TMEM237: variants seen among roughly 807,000 people sequenced by gnomAD.
TMEM237 encodes the protein transmembrane protein 237.
In TMEM237, 51 loss-of-function variants were observed where a neutral mutation model predicts 59.1. The ratio of observed to expected loss-of-function variants is 0.86; its 90% CI spans 0.69 to 1.09. TMEM237 has a LOEUF of 1.09. Among genes scored for constraint, TMEM237 ranks in the 50% least tolerant of loss-of-function variants. The pLI, the probability that TMEM237 is intolerant of heterozygous loss-of-function variation, is 0.00. For missense variants in TMEM237, 475 were observed against 478.3 expected (o/e 0.99, Z 0.06); for synonymous variants, 140 against 166.1 (o/e 0.84, Z 1.21).
At position 201,620,213 on chromosome 2, in the gene TMEM237, A is replaced by G. The variant is rs1486634143; in HGVS notation, c.*4042T>C. The G allele has an allele frequency of 1.3e-5, 2 of 152,240 alleles. No homozygotes were observed. Among genetic ancestry groups the G allele is most frequent in the African/African-American group, 2.4e-5 (1 of 41,458 alleles). The allele number at this position is 152,240 out of a possible 1,614,324, so 9.4% of individuals were successfully genotyped here. Reference sequence around the variant, plus strand: ...GAATTCCAGAACTTCTTTATTGTACATAAAAATCTGAATTTCTTAATATGG... The same window carrying G: ...GAATTCCAGAACTTCTTTATTGTACGTAAAAATCTGAATTTCTTAATATGG... On this transcript the variant is annotated 3_prime_UTR_variant, in exon 13 of 13. Coordinates refer to ENST00000409883, the MANE Select transcript of TMEM237 (RefSeq NM_001044385.3).
intron 9 of TMEM237, 151 bp downstream of exon 9, chr2:201,629,079 A>C: frequency 1.9e-6 from 1 of 519,900 alleles, no homozygotes; most frequent in East Asian, 3.4e-5. Context: ...TCATCCCCTC[A>C]AAAAAGAACA....
chr2:201,632,020 G>A, intron 7 of TMEM237, 31 bp downstream of exon 7: 1 of 1,610,388 alleles, frequency 6.2e-7, no homozygotes, highest in East Asian at 2.2e-5. Flanking sequence ...TTTTTAAAGA[G>A]TTCATATTCT....
At chr2:201,640,185 G>A in intron 3 of TMEM237, 76 bp downstream of exon 3, 2 of 1,248,720 alleles carry the variant, frequency 1.6e-6, no homozygotes, top group East Asian at 2.5e-5. Flanking sequence ...TTCAGACTCA[G>A]TTTTAAGAGA....
Position 201,642,630 on chromosome 2 carries a change from G to C in TMEM237, c.42+729C>G, listed in dbSNP as rs2241133. ...TTACCACAGGATTCTTCCCCATTCT[G>C]CGTTTAGCCGGCCTCGGCGGCCGCC... is the stretch of plus-strand genomic sequence containing the variant. On this transcript the variant is annotated intron_variant, in intron 1 of 12. Transcript: ENST00000409883. The C allele has an allele frequency of 0.033, 52,604 of 1,608,188 alleles. 3,101 individuals carry two copies. The highest frequency in any genetic ancestry group is 0.25 in the East Asian group (11,062 of 43,826).
In TMEM237 at chr2:201,635,317, T is replaced by A. The variant is rs1406188539; in HGVS notation, c.274+1431A>T. 6.6e-6 allele frequency among the ~76,000 whole-genome samples: 1 copy of A among 152,130 alleles called. No individual in the cohort carries two copies. The highest frequency in any genetic ancestry group is 1.5e-5 in the Non-Finnish European group (1 of 68,016). ...CAAGTTAAGATGAGGTCATGCTAGATTGGAATGGGCCCTAAATCCAACAAC... is the reference window on the plus strand; with the variant it reads ...CAAGTTAAGATGAGGTCATGCTAGAATGGAATGGGCCCTAAATCCAACAAC... On this transcript the variant is annotated intron_variant, in intron 5 of 12. Transcript: ENST00000409883. The surrounding 1 kb of genome is among the most constrained non-coding windows in gnomAD (Gnocchi z 4.5).
At position 201,621,368 on chromosome 2, in the gene TMEM237, C is replaced by T. The variant is rs969025548; in HGVS notation, c.*2887G>A. ...AACTACATACAACCCATCAGTTTCA[C>T]TCCTGGGCATTTATCTTAAAGAAAT... On this transcript the variant is annotated 3_prime_UTR_variant, in exon 13 of 13. Transcript: ENST00000409883. 25 of 152,204 alleles carry T rather than the reference C, an allele frequency of 1.6e-4. No homozygotes were observed. Among genetic ancestry groups the T allele is most frequent in the African/African-American group, 5.3e-4 (22 of 41,448 alleles). 9.4% of individuals were successfully genotyped at this position (152,204 alleles called of 1,614,324 possible). A position where few individuals can be genotyped will look rare whatever the true frequency, so the allele number is the denominator to read the frequency against.
rs1200821853 is a variant in TMEM237 at position 201,638,886 on chromosome 2, T to C, written c.136+103A>G. 2.7e-6 allele frequency: 3 copies of C among 1,122,554 alleles called. No homozygotes were observed. The Admixed American group carries it at 7.4e-5, about 28-fold the overall frequency. The allele number at this position is 1,122,554 out of a possible 1,614,324, so 69.5% of individuals were successfully genotyped here. On this transcript the variant is annotated intron_variant, in intron 4 of 12. Coordinates refer to ENST00000409883, the MANE Select transcript of TMEM237 (RefSeq NM_001044385.3). ...AATTCTATCCTCAATGAAGTGGAGATTCGGGGCTGCTGGGGCCTTAATTCT... is the reference window on the plus strand; with the variant it reads ...AATTCTATCCTCAATGAAGTGGAGACTCGGGGCTGCTGGGGCCTTAATTCT...
At position 201,632,051 on chromosome 2, in the gene TMEM237, G is replaced by A. The variant is rs754056989; in HGVS notation, c.553C>T (p.Arg185Trp). 8.1e-6 allele frequency: 13 copies of A among 1,613,560 alleles called. No homozygotes were observed. The highest frequency in any genetic ancestry group is 3.3e-5 in the Admixed American group (2 of 59,998). The change falls in exon 7 of 13, where the codon CGG becomes TGG. Residue 185 changes from arginine to tryptophan, a missense_variant and splice_region_variant. Arg to Trp is a moderately radical substitution (Grantham distance 101). Coordinates refer to ENST00000409883, the MANE Select transcript of TMEM237 (RefSeq NM_001044385.3). ...ATTCTAAAACAAGGCATCTACTTAC[G>A]GCTTTTTTCCACAAATACTTTGCCT... Reference protein sequence around the residue: ...PVGKVFVEKSRRFQAADRSEL... With the variant: ...PVGKVFVEKSWRFQAADRSEL...
At chr2:201,638,788 C>T in intron 4 of TMEM237, 1 of 597,772 alleles carries the variant, frequency 1.7e-6, no homozygotes, top group Non-Finnish European at 3.0e-6. Context: ...TGAATGCGTC[C>T]AGATACTCCT....
chr2:201,639,801 A>C (rs549971380), intron 3 of TMEM237, among the ~76,000 whole-genome samples: 10 of 152,278 alleles, frequency 6.6e-5, no homozygotes, highest in Non-Finnish European at 1.2e-4. Flanking sequence ...GTCTCAAAAC[A>C]AAAGAAAAAA....
intron 1 of TMEM237, among the ~76,000 whole-genome samples, chr2:201,642,086 AG>A (rs2105905096): frequency 6.6e-6 from 1 of 152,354 alleles, no homozygotes; most frequent in Non-Finnish European, 1.5e-5. Context: ...GCAGAAAGAA[AG>A]GTGGGGGGAA....
rs754336127 is a variant in TMEM237, at chr2:201,629,437, TTTGA to T, written c.678-20_678-17del. The T allele has an allele frequency of 9.2e-4, 1,402 of 1,527,756 alleles. 18 individuals carry two copies. Among genetic ancestry groups the T allele is most frequent in the Non-Finnish European group, 2.0e-4 (228 of 1,145,012 alleles). The allele number at this position is 1,527,756 out of a possible 1,614,324, so 94.6% of individuals were successfully genotyped here. The stretch of plus-strand genomic sequence containing the variant: ...ACCAATCATCCTGAATGGAAAAGGG[TTTGA>T]TTATTATACATGAATTACTAAAGTA... On this transcript the variant is annotated splice_polypyrimidine_tract_variant and intron_variant, in intron 8 of 12. Transcript: ENST00000409883.
intron 12 of TMEM237, among the ~76,000 whole-genome samples, 182 bp from the exon 13 acceptor site, chr2:201,624,504 C>T (rs188467744): frequency 2.0e-3 from 305 of 152,156 alleles, no homozygotes; most frequent in African/African-American, 7.1e-3. Context: ...AACAAATGTA[C>T]AAGTTTTACA....
In TMEM237 at chr2:201,629,788, C is replaced by T. The variant is rs767769973; in HGVS notation, c.618G>A (p.Met206Ile). 1 of 1,613,680 alleles carries T rather than the reference C, an allele frequency of 6.2e-7. No individual in the cohort carries two copies. The stretch of plus-strand genomic sequence containing the variant: ...TGGTGGTCCAGGAAGGCTTCACGTC[C>T]ATTGACACATCTATGTTTTCTGTGG... ...IKTTENIDVS[M>I]DVKPSWTTRD... Residue 206 changes from methionine (M) to isoleucine (I), a missense_variant, in exon 8 of 13, where the codon ATG becomes ATA. Met to Ile is a conservative substitution (Grantham distance 10, BLOSUM62 1). Coordinates refer to ENST00000409883, the MANE Select transcript of TMEM237 (RefSeq NM_001044385.3).
intron 5 of TMEM237, chr2:201,634,833 T>G (rs1687263671): frequency 2.3e-6 from 1 of 431,682 alleles, no homozygotes. Context: ...TTCTCCTGAC[T>G]TTTCTAGTTC....
intron 1 of TMEM237, among the ~76,000 whole-genome samples, chr2:201,641,922 G>A (rs1249325038): frequency 6.6e-6 from 1 of 152,148 alleles, no homozygotes; most frequent in East Asian, 1.9e-4. Flanking sequence ...ACCAAGGAGA[G>A]GTAGGCAGGA....
chr2:201,640,586 A>G (rs2105904267), intron 2 of TMEM237, among the ~76,000 whole-genome samples: 1 of 152,250 alleles, frequency 6.6e-6, no homozygotes, highest in Non-Finnish European at 1.5e-5. Flanking sequence ...TTAAACTCTG[A>G]GGAAACTATT....
In TMEM237 at chr2:201,620,817, G is replaced by A. The variant is rs1957697372; in HGVS notation, c.*3438C>T. ...GGCCTTCCCCAGCTCTATTTGTTAG[G>A]ATTTTTAACACAATGACCAGAACTT... On this transcript the variant is annotated 3_prime_UTR_variant, in exon 13 of 13. Transcript: ENST00000409883. 6.6e-6 allele frequency: 1 copy of A among 152,146 alleles called. No individual in the cohort carries two copies. Among genetic ancestry groups the A allele is most frequent in the African/African-American group, 2.4e-5 (1 of 41,426 alleles). The allele number at this position is 152,146 out of a possible 1,614,324, so 9.4% of individuals were successfully genotyped here. A position where few individuals can be genotyped will look rare whatever the true frequency, so the allele number is the denominator to read the frequency against.
In TMEM237 at chr2:201,643,057, C is replaced by T. The variant is rs1307049451; in HGVS notation, c.42+302G>A. The T allele has an allele frequency of 1.7e-6, 2 of 1,190,036 alleles. No homozygotes were observed. Among genetic ancestry groups the T allele is most frequent in the Non-Finnish European group, 2.2e-6 (2 of 918,716 alleles). 73.7% of individuals were successfully genotyped at this position (1,190,036 alleles called of 1,614,324 possible). ...CTAGGAGAGGCCTGGCTGGAAGCCCCGGCACCCGCCGGGCCCCGGGCCTCA... is the reference window on the plus strand; with the variant it reads ...CTAGGAGAGGCCTGGCTGGAAGCCCTGGCACCCGCCGGGCCCCGGGCCTCA... On this transcript the variant is annotated intron_variant, in intron 1 of 12. Coordinates refer to ENST00000409883, the MANE Select transcript of TMEM237 (RefSeq NM_001044385.3). The surrounding 1 kb of genome is among the most constrained non-coding windows in gnomAD (Gnocchi z 4.3).
Sources: gnomAD v4.1 joint callset for allele counts (sites outside exome capture counted in the v4.1 genomes callset) on GRCh38, gnomAD v4.1.1 for gene constraint, Gnocchi (gnomAD v3.1) non-coding constraint, MANE v1.5 for transcripts, NCBI Gene and HGNC (gene_info 2026-07-23, HGNC 2026-07-21) for gene names.